Variants in NKAIN3 observed in about 807,000 individuals in gnomAD.
NKAIN3 encodes the protein sodium/potassium-transporting ATPase subunit beta-1-interacting protein 3.
NKAIN3 carries 25 observed loss-of-function variants against 30.2 expected under a neutral mutation model. The ratio of observed to expected loss-of-function variants is 0.83; its 90% CI spans 0.60 to 1.16. The LOEUF (loss-of-function observed/expected upper bound fraction) is 1.16. Among genes scored for constraint, NKAIN3 ranks in the 50% most tolerant of loss-of-function variants. NKAIN3 has a pLI of 0.00. For synonymous variants in NKAIN3, 91 were observed against 89.6 expected, an observed-to-expected ratio of 1.02 and a Z score of -0.09; for missense variants, 225 against 254.1, an observed-to-expected ratio of 0.89 and a Z score of 0.78.
intron 3 of NKAIN3, among the ~76,000 whole-genome samples, chr8:62,710,446 G>A (rs1814677871): frequency 6.6e-6 from 1 of 152,024 alleles, no homozygotes; most frequent in African/African-American, 2.4e-5. Context: ...TTTTCCTGTT[G>A]GACAAGGCCT....
chr8:62,919,636 G>A (rs1822216751), intron 5 of NKAIN3, among the ~76,000 whole-genome samples: 1 of 152,150 alleles, frequency 6.6e-6, no homozygotes, highest in South Asian at 2.1e-4. Context: ...AACCAAACCA[G>A]AGATTGCATT....
intron 4 of NKAIN3, among the ~76,000 whole-genome samples, chr8:62,891,014 C>T (rs1370696851): frequency 1.3e-5 from 2 of 152,138 alleles, no homozygotes; most frequent in Non-Finnish European, 2.9e-5. Flanking sequence ...ATGCTGGACC[C>T]TTCTGAAGGC....
At chr8:62,923,829 G>A (rs1822354897) in intron 5 of NKAIN3, among the ~76,000 whole-genome samples, 1 of 152,188 alleles carries the variant, frequency 6.6e-6, no homozygotes, top group African/African-American at 2.4e-5. Context: ...CAGGATCCCA[G>A]CTACAGTGCT....
intron 3 of NKAIN3, among the ~76,000 whole-genome samples, chr8:62,712,624 C>T (rs1271259652): frequency 6.6e-6 from 1 of 152,204 alleles, no homozygotes. Context: ...TGTTTCCAGG[C>T]AGAGGGCTTG....
intron 6 of NKAIN3, among the ~76,000 whole-genome samples, chr8:62,963,860 G>A (rs546134474): frequency 7.9e-5 from 12 of 152,152 alleles, no homozygotes; most frequent in South Asian, 2.1e-4. Context: ...TTTTTTAGTC[G>A]TTTTCTTCAT....
chr8:62,844,735 G>A (rs1193447371), intron 4 of NKAIN3, among the ~76,000 whole-genome samples: 2 of 152,060 alleles, frequency 1.3e-5, no homozygotes, highest in Non-Finnish European at 2.9e-5. Flanking sequence ...AAAAGATTAA[G>A]GCAAAAGACA....
rs181027730 is a variant in NKAIN3 at position 62,893,374 on chromosome 8, C to A, written c.472-25079C>A. Among the ~76,000 whole-genome samples, 756 of 152,266 alleles carry A rather than the reference C, an allele frequency of 5.0e-3. 8 individuals are homozygous for A. Among genetic ancestry groups the A allele is most frequent in the African/African-American group, 0.017 (727 of 41,562 alleles). On this transcript the variant is annotated intron_variant, in intron 4 of 6. Coordinates refer to ENST00000623646, the MANE Select transcript of NKAIN3 (RefSeq NM_001304533.3). ...ACAGAATTTAGGTCCAATTTTTCCT[C>A]TAATTTTTTAAGAGAAATGAAAAAC... is the stretch of plus-strand genomic sequence containing the variant.
At chr8:62,288,324 G>A (rs1813449383) in intron 1 of NKAIN3, among the ~76,000 whole-genome samples, 1 of 152,114 alleles carries the variant, frequency 6.6e-6, no homozygotes, top group African/African-American at 2.4e-5. Context: ...CATGTGCCAT[G>A]TTGGTGTCCT....
At chr8:62,442,190 T>G (rs1805348312) in intron 1 of NKAIN3, among the ~76,000 whole-genome samples, 1 of 152,078 alleles carries the variant, frequency 6.6e-6, no homozygotes, top group African/African-American at 2.4e-5. Context: ...ATCTGTTCCT[T>G]GAAAGCTTGC....
intron 1 of NKAIN3, among the ~76,000 whole-genome samples, chr8:62,391,776 G>A (rs1817589488): frequency 6.6e-6 from 1 of 151,912 alleles, no homozygotes. Context: ...ATTGTTTAAT[G>A]CATTATGAAG....
chr8:62,409,908 T>C (rs890977426), intron 1 of NKAIN3, among the ~76,000 whole-genome samples: 1 of 152,180 alleles, frequency 6.6e-6, no homozygotes, highest in Non-Finnish European at 1.5e-5. Flanking sequence ...TCAAAAATTG[T>C]ACACACATGA....
At chr8:62,832,597 C>T (rs1819232415) in intron 4 of NKAIN3, among the ~76,000 whole-genome samples, 2 of 151,548 alleles carry the variant, frequency 1.3e-5, no homozygotes, top group African/African-American at 2.4e-5. Flanking sequence ...TGTAATAAAA[C>T]ATTATTACAT....
intron 3 of NKAIN3, among the ~76,000 whole-genome samples, chr8:62,735,036 T>C (rs1815603025): frequency 6.6e-6 from 1 of 152,242 alleles, no homozygotes; most frequent in African/African-American, 2.4e-5. Context: ...CTTAAAATTA[T>C]TTCCTTTGTC....
intron 4 of NKAIN3, among the ~76,000 whole-genome samples, chr8:62,889,683 T>C (rs1391458586): frequency 6.6e-6 from 1 of 152,188 alleles, no homozygotes; most frequent in African/African-American, 2.4e-5. Flanking sequence ...ATGTTTCATT[T>C]AGAAATGCAG....
rs569591847 is a variant in NKAIN3 at position 62,866,971 on chromosome 8, C to T, written c.472-51482C>T. On this transcript the variant is annotated intron_variant, in intron 4 of 6. Transcript: ENST00000623646. The stretch of plus-strand genomic sequence containing the variant: ...TCTGGAGGCTGAGGCAGGAGAATGG[C>T]GTGAACGCTGGAGGCAGAGCTTGCA... 3.3e-5 allele frequency among the ~76,000 whole-genome samples: 5 copies of T among 150,176 alleles called. No homozygotes were observed. In the South Asian group the frequency reaches 6.3e-4, roughly 19 times the overall value.
chr8:62,785,469 G>A (rs1817485464), intron 4 of NKAIN3, among the ~76,000 whole-genome samples: 1 of 152,082 alleles, frequency 6.6e-6, no homozygotes, highest in Admixed American at 6.6e-5. Flanking sequence ...TGGGCATTGG[G>A]TTTCTTTTTG....
intron 4 of NKAIN3, among the ~76,000 whole-genome samples, chr8:62,791,476 T>C (rs1232815942): frequency 6.6e-6 from 1 of 152,128 alleles, no homozygotes; most frequent in Non-Finnish European, 1.5e-5. Flanking sequence ...AATAAATGAC[T>C]CAGGCTGGTG....
intron 3 of NKAIN3, among the ~76,000 whole-genome samples, chr8:62,657,971 G>C (rs1812813749): frequency 6.6e-6 from 1 of 152,166 alleles, no homozygotes; most frequent in South Asian, 2.1e-4. Flanking sequence ...AAGGAAAACA[G>C]AATGGCTGAA....
At chr8:62,690,692 C>A (rs1470291216) in intron 3 of NKAIN3, among the ~76,000 whole-genome samples, 1 of 152,166 alleles carries the variant, frequency 6.6e-6, no homozygotes, top group African/African-American at 2.4e-5. Flanking sequence ...ATTTGCAGAG[C>A]TGTTAAGGTT....
Sources: allele counts gnomAD v4.1 joint callset (sites outside exome capture counted in the v4.1 genomes callset), GRCh38; gene constraint gnomAD v4.1.1; transcripts MANE v1.5; gene names NCBI Gene and HGNC (gene_info 2026-07-23, HGNC 2026-07-21).